The following GABRB1 variants were observed in gnomAD, a reference collection of about 807,000 sequenced individuals.
The protein encoded by GABRB1 is gamma-aminobutyric acid receptor subunit beta-1.
Under a neutral mutation model 51.6 loss-of-function variants are expected in GABRB1, and 17 were observed. The ratio of observed to expected loss-of-function variants is 0.33; its 90% CI spans 0.23 to 0.49. The LOEUF is 0.49. Ranked by LOEUF, GABRB1 falls within the 20% of genes least tolerant of loss-of-function variation. The probability of loss-of-function intolerance (pLI) is 0.99; values close to 1 mark genes in which losing one functional copy is unlikely to be tolerated. For synonymous variants in GABRB1, 247 were observed against 218.9 expected (o/e 1.13, Z -1.14); for missense variants, 410 against 600.6 (o/e 0.68, Z 3.32).
chr4:47,158,822 TAC>T, intron 3 of GABRB1, among the ~76,000 whole-genome samples: 5 of 152,194 alleles, frequency 3.3e-5, no homozygotes, highest in Admixed American at 3.3e-4. Flanking sequence ...AAAATGAGCA[TAC>T]ACACTCTATT....
At chr4:47,090,085 G>C (rs1560529190) in intron 3 of GABRB1, among the ~76,000 whole-genome samples, 1 of 152,194 alleles carries the variant, frequency 6.6e-6, no homozygotes, top group Non-Finnish European at 1.5e-5. Context: ...AATCTTATCA[G>C]ACGTTTTTGT....
At chr4:47,158,827 A>C (rs1717812961) in intron 3 of GABRB1, among the ~76,000 whole-genome samples, 1 of 152,012 alleles carries the variant, frequency 6.6e-6, no homozygotes, top group Non-Finnish European at 1.5e-5. Flanking sequence ...GAGCATACAC[A>C]CTCTATTTGG....
chr4:47,016,470 AATTGCTTAATAATT>A (rs1191982086), intron 1 of GABRB1, among the ~76,000 whole-genome samples: 4 of 152,186 alleles, frequency 2.6e-5, no homozygotes, highest in African/African-American at 9.7e-5. Flanking sequence ...TGAATCATAG[AATTGCTTAATAATT>A]TTATGGATAA....
At chr4:47,384,845 G>C (rs1187856219) in intron 5 of GABRB1, among the ~76,000 whole-genome samples, 1 of 152,128 alleles carries the variant, frequency 6.6e-6, no homozygotes, top group Non-Finnish European at 1.5e-5. Flanking sequence ...CACTAGGCCT[G>C]ATTTTGTTTT....
At chr4:47,155,858 T>C (rs1273449461) in intron 3 of GABRB1, among the ~76,000 whole-genome samples, 1 of 144,492 alleles carries the variant, frequency 6.9e-6, no homozygotes, top group Admixed American at 7.2e-5. Flanking sequence ...ATATTTTTCA[T>C]GATAAACAAT....
intron 8 of GABRB1, among the ~76,000 whole-genome samples, chr4:47,410,866 A>G (rs756028020): frequency 5.3e-5 from 8 of 152,214 alleles, no homozygotes; most frequent in Non-Finnish European, 8.8e-5. Flanking sequence ...GATAAGTCAC[A>G]AGAATAAGGG....
chr4:47,022,331 GT>G (rs988879356), intron 1 of GABRB1, among the ~76,000 whole-genome samples: 8 of 152,116 alleles, frequency 5.3e-5, no homozygotes, highest in African/African-American at 1.9e-4. Context: ...TTGAATGTTA[GT>G]TTTTTAGAGT....
intron 4 of GABRB1, among the ~76,000 whole-genome samples, chr4:47,273,864 T>TACACACATACAC (rs1436701483): frequency 0.021 from 2,576 of 122,384 alleles, 57 homozygotes; most frequent in African/African-American, 0.053. Context: ...CATATATACA[T>TACACACATACAC]ACACACACAC....
At chr4:47,376,595 C>T (rs749737033) in intron 5 of GABRB1, among the ~76,000 whole-genome samples, 7 of 152,096 alleles carry the variant, frequency 4.6e-5, no homozygotes, top group Non-Finnish European at 7.4e-5. Flanking sequence ...TGCAGTGAGC[C>T]GAGACCGCAC....
rs564007701 is a variant in GABRB1 at position 47,387,714 on chromosome 4, G to C, written c.545-15604G>C. On this transcript the variant is annotated intron_variant, in intron 5 of 8. Coordinates refer to ENST00000295454, the MANE Select transcript of GABRB1 (RefSeq NM_000812.4). The stretch of plus-strand genomic sequence containing the variant: ...TGTCATGACTTGGGCAGGCATGGGG[G>C]GATCTCATCCACATGGGACCAGAAA... 2.6e-5 allele frequency among the ~76,000 whole-genome samples: 4 copies of C among 152,110 alleles called. No individual in the cohort carries two copies. In the South Asian group the frequency reaches 8.3e-4, roughly 32 times the overall value.
At chr4:47,313,861 T>C (rs1330483355) in intron 4 of GABRB1, among the ~76,000 whole-genome samples, 1 of 152,118 alleles carries the variant, frequency 6.6e-6, no homozygotes, top group African/African-American at 2.4e-5. Context: ...TGTATTTGTG[T>C]ATTAGTGCTG....
chr4:47,236,299 C>G (rs1721331213), intron 4 of GABRB1, among the ~76,000 whole-genome samples: 1 of 151,970 alleles, frequency 6.6e-6, no homozygotes, highest in South Asian at 2.1e-4. Context: ...TGGACACTTG[C>G]CCTGCCAACA....
intron 4 of GABRB1, among the ~76,000 whole-genome samples, chr4:47,247,081 G>A (rs1212241474): frequency 1.3e-5 from 2 of 152,096 alleles, no homozygotes; most frequent in East Asian, 3.9e-4. Context: ...TGGGTTCTTG[G>A]TCATGAAATC....
intron 3 of GABRB1, among the ~76,000 whole-genome samples, chr4:47,136,939 T>G (rs1169808026): frequency 6.6e-6 from 1 of 152,120 alleles, no homozygotes; most frequent in African/African-American, 2.4e-5. Context: ...GTTTTCAACT[T>G]ATATTTTTCC....
At chr4:47,328,386 C>G (rs1168483201) in intron 5 of GABRB1, among the ~76,000 whole-genome samples, 1 of 152,060 alleles carries the variant, frequency 6.6e-6, no homozygotes, top group Non-Finnish European at 1.5e-5. Flanking sequence ...AAGTCCTTGC[C>G]CATGCCTATG....
chr4:47,095,520 G>A lies in GABRB1; in HGVS notation c.240+63036G>A, dbSNP rs537321170. On this transcript the variant is annotated intron_variant, in intron 3 of 8. Coordinates refer to ENST00000295454, the MANE Select transcript of GABRB1 (RefSeq NM_000812.4). ...GACCAAGAGTGGCTGGAACATGATG[G>A]CAACTCTACCATTTGTACCTACAGC... is the stretch of plus-strand genomic sequence containing the variant. 2.5e-4 allele frequency among the ~76,000 whole-genome samples: 38 copies of A among 152,312 alleles called. No homozygotes were observed. In the South Asian group the frequency reaches 3.3e-3, roughly 13 times the overall value.
chr4:47,245,474 G>T (rs925327569), intron 4 of GABRB1, among the ~76,000 whole-genome samples: 8 of 152,040 alleles, frequency 5.3e-5, no homozygotes, highest in African/African-American at 1.9e-4. Flanking sequence ...AAAGATTTTA[G>T]GGACTCTTGA....
intron 4 of GABRB1, among the ~76,000 whole-genome samples, chr4:47,274,077 C>T (rs577780629): frequency 1.5e-4 from 23 of 152,092 alleles, no homozygotes; most frequent in Non-Finnish European, 2.2e-4. Flanking sequence ...CTTCCATCCT[C>T]TTTTACTATT....
intron 8 of GABRB1, among the ~76,000 whole-genome samples, chr4:47,414,375 G>A (rs1728850058): frequency 6.6e-6 from 1 of 152,204 alleles, no homozygotes. Context: ...GTCTGGAAAG[G>A]AGGGACAACT....
Sources: gnomAD v4.1 joint callset for allele counts (sites outside exome capture counted in the v4.1 genomes callset) on GRCh38, gnomAD v4.1.1 for gene constraint, MANE v1.5 for transcripts, NCBI Gene and HGNC (gene_info 2026-07-23, HGNC 2026-07-21) for gene names.